The following ANXA4 variants were observed in gnomAD, a reference collection of about 807,000 sequenced individuals.
The protein encoded by ANXA4 is 35-beta calcimedin.
A neutral mutation model predicts 49.8 loss-of-function variants in ANXA4; 39 were observed. The ratio of observed to expected loss-of-function variants is 0.78; its 90% confidence interval spans 0.61 to 1.02. The LOEUF (loss-of-function observed/expected upper bound fraction) is 1.02. Ranked by LOEUF, ANXA4 falls within the 50% of genes least tolerant of loss-of-function variation. The pLI is 0.00. For missense variants in ANXA4, 360 were observed against 410.1 expected (o/e 0.88, Z 1.05); for synonymous variants, 134 against 152.5 (o/e 0.88, Z 0.89).
intron 1 of ANXA4, among the ~76,000 whole-genome samples, chr2:69,753,471 C>T (rs893324074): frequency 6.6e-6 from 1 of 152,186 alleles, no homozygotes; most frequent in African/African-American, 2.4e-5. Context: ...AATTTGAGAA[C>T]TTTCCTCAGG....
At chr2:69,754,298 A>G (rs1156634462) in intron 1 of ANXA4, among the ~76,000 whole-genome samples, 3 of 152,208 alleles carry the variant, frequency 2.0e-5, no homozygotes, top group Admixed American at 6.5e-5. Context: ...CGAAATGCCC[A>G]TGGTGTGGTT....
At chr2:69,649,702 C>G (rs1676155880) in intron 1 of ANXA4, among the ~76,000 whole-genome samples, 1 of 149,450 alleles carries the variant, frequency 6.7e-6, no homozygotes, top group Admixed American at 6.7e-5. Context: ...GCCTCGACCT[C>G]CTGGGCTCAA....
chr2:69,759,129 CA>C (rs35878649), intron 1 of ANXA4, among the ~76,000 whole-genome samples: 5,528 of 118,526 alleles, frequency 0.047, 166 homozygotes, highest in African/African-American at 0.15. Context: ...GACTCTGTCT[CA>C]AAAAAAAAAA....
intron 2 of ANXA4, among the ~76,000 whole-genome samples, chr2:69,665,461 T>G (rs1676900205): frequency 1.3e-5 from 2 of 152,108 alleles, no homozygotes; most frequent in East Asian, 3.9e-4. Flanking sequence ...TCATGAGAGA[T>G]AACAACAATA....
upstream of ANXA4, chr2:69,742,090 G>A (rs1415558562): frequency 1.3e-5 from 2 of 152,272 alleles, no homozygotes; most frequent in African/African-American, 4.8e-5. Flanking sequence ...ACAGTGGGGC[G>A]GATCCGTCCC....
At chr2:69,691,871 A>G (rs975878324) in intron 2 of ANXA4, among the ~76,000 whole-genome samples, 3 of 152,034 alleles carry the variant, frequency 2.0e-5, no homozygotes, top group Non-Finnish European at 4.4e-5. Context: ...CAGTAACTTC[A>G]GGTTTTTTGT....
At chr2:69,808,309 A>G in intron 6 of ANXA4, 1 of 298,416 alleles carries the variant, frequency 3.4e-6, no homozygotes, top group Non-Finnish European at 6.5e-6. Context: ...TGGTGGCACC[A>G]GCAGATCTTA....
At chr2:69,647,420 A>ATTTATTTT (rs1428835527) in intron 1 of ANXA4, among the ~76,000 whole-genome samples, 1,847 of 138,914 alleles carry the variant, frequency 0.013, 23 homozygotes, top group Non-Finnish European at 0.02. Context: ...TTATTTATTT[A>ATTTATTTT]TTTTTTGAGA....
intron 2 of ANXA4, among the ~76,000 whole-genome samples, chr2:69,700,710 A>G (rs1040680151): frequency 3.3e-5 from 5 of 152,200 alleles, no homozygotes; most frequent in African/African-American, 1.2e-4. Context: ...ATGGTATTAC[A>G]TAATTATTTA....
intron 5 of ANXA4, among the ~76,000 whole-genome samples, chr2:69,807,649 A>G (rs1169610766): frequency 6.6e-6 from 1 of 152,214 alleles, no homozygotes; most frequent in Non-Finnish European, 1.5e-5. Context: ...AAGTCCCCAG[A>G]GGGCAGAAAC....
chr2:69,670,644 A>G (rs1677142441), intron 2 of ANXA4, among the ~76,000 whole-genome samples: 1 of 152,096 alleles, frequency 6.6e-6, no homozygotes. Context: ...TAGATGACAT[A>G]TACATGGGGA....
chr2:69,791,481 A>T (rs965684885), intron 3 of ANXA4, among the ~76,000 whole-genome samples: 29 of 152,362 alleles, frequency 1.9e-4, no homozygotes, highest in African/African-American at 6.3e-4. Flanking sequence ...TTAGGCAGAG[A>T]GACATAAACA....
chr2:69,787,760 A>G (rs749919794), intron 2 of ANXA4, among the ~76,000 whole-genome samples: 48 of 152,108 alleles, frequency 3.2e-4, no homozygotes, highest in African/African-American at 4.8e-5. Flanking sequence ...CTTAACCTCA[A>G]TGTCACTCCT....
At chr2:69,736,860 G>C (rs1670258525) in intron 3 of ANXA4, among the ~76,000 whole-genome samples, 10 of 152,104 alleles carry the variant, frequency 6.6e-5, no homozygotes, top group Admixed American at 6.5e-4. Flanking sequence ...GGAGTGCAGT[G>C]GTGCCATCTT....
chr2:69,787,945 A>G, intron 2 of ANXA4, 109 bp from the exon 3 acceptor site: 2 of 932,930 alleles, frequency 2.1e-6, no homozygotes, highest in Non-Finnish European at 3.4e-6. Context: ...CCTAGCACCT[A>G]GAATACCATC....
intron 1 of ANXA4, among the ~76,000 whole-genome samples, chr2:69,752,197 C>T (rs973541091): frequency 3.3e-5 from 5 of 152,118 alleles, no homozygotes; most frequent in Non-Finnish European, 7.3e-5. Flanking sequence ...AGGCAAGTCC[C>T]AGAGGTGGAG....
chr2:69,817,596 C>T (rs1205285474), intron 9 of ANXA4: 1 of 152,122 alleles, frequency 6.6e-6, no homozygotes, highest in African/African-American at 2.4e-5. Context: ...ACTGGTAGCT[C>T]ACAGATTTGA....
intron 1 of ANXA4, among the ~76,000 whole-genome samples, chr2:69,774,125 A>T (rs1373958853): frequency 6.6e-6 from 1 of 151,836 alleles, no homozygotes; most frequent in Non-Finnish European, 1.5e-5. Context: ...ACCCTGCCCT[A>T]TGTGTTAATA....
intron 1 of ANXA4, among the ~76,000 whole-genome samples, chr2:69,762,062 T>G (rs1451877755): frequency 1.3e-5 from 2 of 152,154 alleles, no homozygotes; most frequent in Non-Finnish European, 2.9e-5. Flanking sequence ...AATAAAGCTG[T>G]GTGTAATGGG....
Sources: gnomAD v4.1 joint callset for allele counts (sites outside exome capture counted in the v4.1 genomes callset) on GRCh38, gnomAD v4.1.1 for gene constraint, MANE v1.5 for transcripts, NCBI Gene and HGNC (gene_info 2026-07-23, HGNC 2026-07-21) for gene names.